The following GABRB3 variants were observed in gnomAD, a reference collection of about 807,000 sequenced individuals.
GABRB3 encodes the protein gamma-aminobutyric acid type A receptor subunit beta3.
In GABRB3, 14 loss-of-function variants were observed where a neutral mutation model predicts 52.1. The ratio of observed to expected loss-of-function variants is 0.27; its 90% CI spans 0.18 to 0.42. The LOEUF is 0.42. GABRB3 is among the 10% of genes least tolerant of loss of function. GABRB3 has a pLI of 1.00. For missense variants in GABRB3, 307 were observed against 609.1 expected (o/e 0.50, Z 5.22); for synonymous variants, 260 against 232.3 (o/e 1.12, Z -1.08).
intron 3 of GABRB3, among the ~76,000 whole-genome samples, chr15:26,739,869 G>A (rs112017636): frequency 6.8e-4 from 104 of 152,258 alleles, no homozygotes; most frequent in Non-Finnish European, 1.3e-3. Flanking sequence ...ACAGGATAAT[G>A]GGGTTAAGAT....
chr15:26,578,635 T>C (rs1419439350), intron 6 of GABRB3, among the ~76,000 whole-genome samples: 1 of 152,206 alleles, frequency 6.6e-6, no homozygotes, highest in African/African-American at 2.4e-5. Flanking sequence ...CACCTGGCTT[T>C]CTAATGAGGC....
At chr15:26,730,517 C>T (rs1889884179) in intron 3 of GABRB3, among the ~76,000 whole-genome samples, 1 of 152,082 alleles carries the variant, frequency 6.6e-6, no homozygotes, top group African/African-American at 2.4e-5. Context: ...CGGTCACGTC[C>T]CATTGTGGAG....
At chr15:26,729,725 G>A (rs1298501021) in intron 3 of GABRB3, among the ~76,000 whole-genome samples, 7 of 152,158 alleles carry the variant, frequency 4.6e-5, no homozygotes, top group African/African-American at 1.7e-4. Context: ...TATGCCCCCA[G>A]CAGGCTCCTT....
In GABRB3 at chr15:26,545,997, T is replaced by C. The variant is rs980282365; in HGVS notation, c.*1796A>G. 1.3e-5 allele frequency: 2 copies of C among 152,508 alleles called. No homozygotes were observed. Among genetic ancestry groups the C allele is most frequent in the African/African-American group, 4.8e-5 (2 of 41,406 alleles). 9.4% of individuals were successfully genotyped at this position (152,508 alleles called of 1,614,324 possible). A position where few individuals can be genotyped will look rare whatever the true frequency, so the allele number is the denominator to read the frequency against. ...CGGCCACCAAAGAAAAATCAAGTAG[T>C]GGTCAGCTCATGGGGATAGTCCACA... On this transcript the variant is annotated 3_prime_UTR_variant, in exon 9 of 9. Transcript: ENST00000311550.
At chr15:26,691,065 C>T (rs1380876628) in intron 3 of GABRB3, among the ~76,000 whole-genome samples, 3 of 151,708 alleles carry the variant, frequency 2.0e-5, no homozygotes, top group Non-Finnish European at 2.9e-5. Context: ...TCCTCTCCCT[C>T]CCCTTCTTTT....
At chr15:26,564,344 C>T (rs1000421132) in intron 7 of GABRB3, among the ~76,000 whole-genome samples, 11 of 152,122 alleles carry the variant, frequency 7.2e-5, no homozygotes, top group East Asian at 1.9e-4. Flanking sequence ...TGGTCGTTAA[C>T]GCTAACAGTT....
At chr15:26,769,262 C>T (rs1891078864) in intron 3 of GABRB3, among the ~76,000 whole-genome samples, 1 of 151,608 alleles carries the variant, frequency 6.6e-6, no homozygotes, top group Non-Finnish European at 1.5e-5. Flanking sequence ...TATTTCACTA[C>T]ATACACGTTT....
At chr15:26,585,482 TA>T (rs2140743264) in intron 4 of GABRB3, among the ~76,000 whole-genome samples, 1 of 149,712 alleles carries the variant, frequency 6.7e-6, no homozygotes, top group East Asian at 1.9e-4. Flanking sequence ...TCATTTACCC[TA>T]AACTCAGGTG....
intron 3 of GABRB3, among the ~76,000 whole-genome samples, chr15:26,752,494 A>T (rs925303900): frequency 1.3e-5 from 2 of 151,934 alleles, no homozygotes; most frequent in Non-Finnish European, 2.9e-5. Context: ...CGATCTCCTG[A>T]CCTCATGATC....
intron 8 of GABRB3, among the ~76,000 whole-genome samples, chr15:26,554,846 G>A (rs1889694138): frequency 6.6e-6 from 1 of 152,160 alleles, no homozygotes; most frequent in African/African-American, 2.4e-5. Context: ...AGCAGGGAGT[G>A]ATGGGGCAGG....
intron 3 of GABRB3, among the ~76,000 whole-genome samples, chr15:26,761,411 T>C (rs943761668): frequency 4.0e-5 from 6 of 151,260 alleles, no homozygotes; most frequent in East Asian, 3.9e-4. Flanking sequence ...AAAAATACAA[T>C]ATTAGTCATA....
intron 3 of GABRB3, among the ~76,000 whole-genome samples, chr15:26,646,681 A>G (rs1887017645): frequency 6.6e-6 from 1 of 152,116 alleles, no homozygotes; most frequent in African/African-American, 2.4e-5. Context: ...TAAAGTTTCC[A>G]ATTTCTACAC....
chr15:26,618,697 T>A (rs370799725), intron 4 of GABRB3, among the ~76,000 whole-genome samples: 3 of 151,946 alleles, frequency 2.0e-5, no homozygotes, highest in African/African-American at 2.4e-5. Context: ...AGCTTCTGCA[T>A]AGCAAAAGAA....
chr15:26,661,253 CTA>C (rs1319071204), intron 3 of GABRB3, among the ~76,000 whole-genome samples: 1 of 152,126 alleles, frequency 6.6e-6, no homozygotes, highest in African/African-American at 2.4e-5. Context: ...CAAGAGAAAA[CTA>C]TGACATACCC....
chr15:26,634,983 T>TAA (rs1566785500), intron 3 of GABRB3, among the ~76,000 whole-genome samples: 2 of 6,994 alleles, frequency 2.9e-4, no homozygotes, highest in Non-Finnish European at 4.5e-4. Flanking sequence ...TATGTATCTC[T>TAA]AAATATATAT....
intron 3 of GABRB3, among the ~76,000 whole-genome samples, chr15:26,645,603 A>C (rs964965215): frequency 1.3e-5 from 2 of 152,206 alleles, no homozygotes; most frequent in African/African-American, 2.4e-5. Context: ...GTGGAGTCCA[A>C]CTTGTCTGGA....
At chr15:26,706,260 G>A (rs542220200) in intron 3 of GABRB3, among the ~76,000 whole-genome samples, 6 of 152,162 alleles carry the variant, frequency 3.9e-5, no homozygotes, top group Non-Finnish European at 8.8e-5. Context: ...GGCAATACCC[G>A]CCTCATGCAA....
At chr15:26,702,825 C>T (rs1478138478) in intron 3 of GABRB3, among the ~76,000 whole-genome samples, 1 of 152,190 alleles carries the variant, frequency 6.6e-6, no homozygotes, top group Non-Finnish European at 1.5e-5. Context: ...TCCATTTAGG[C>T]AGTTACAACG....
chr15:26,606,772 A>ATCTATCGATCTATC (rs1566770499), intron 4 of GABRB3, among the ~76,000 whole-genome samples: 2 of 81,684 alleles, frequency 2.4e-5, no homozygotes, highest in Non-Finnish European at 6.4e-5. Flanking sequence ...GTCTATCTAT[A>ATCTATCGATCTATC]GATAGATAGA....
Sources: allele counts gnomAD v4.1 joint callset (sites outside exome capture counted in the v4.1 genomes callset), GRCh38; gene constraint gnomAD v4.1.1; transcripts MANE v1.5; gene names NCBI Gene and HGNC (gene_info 2026-07-23, HGNC 2026-07-21).